The following NRCAM variants were observed in gnomAD, a reference collection of about 807,000 sequenced individuals.
The protein encoded by NRCAM is neuronal cell adhesion molecule, also known as NgCAM-related cell adhesion molecule.
NRCAM carries 83 observed loss-of-function variants against 156.5 expected under a neutral mutation model. The observed-to-expected ratio is 0.53, with a 90% confidence interval of 0.44 to 0.64. The LOEUF (loss-of-function observed/expected upper bound fraction) is 0.64. Among genes scored for constraint, NRCAM ranks in the 30% least tolerant of loss-of-function variants. The probability of loss-of-function intolerance (pLI) is 0.00; values close to 1 mark genes in which losing one functional copy is unlikely to be tolerated. For missense variants in NRCAM, 1,417 were observed against 1,597.3 expected (o/e 0.89, Z 1.92); for synonymous variants, 538 against 563.9 (o/e 0.95, Z 0.65).
chr7:108,400,572 A>G (rs1188175334), intron 1 of NRCAM, among the ~76,000 whole-genome samples: 1 of 152,228 alleles, frequency 6.6e-6, no homozygotes, highest in Non-Finnish European at 1.5e-5. Flanking sequence ...AAAGTCAGGG[A>G]AGATATTCTT....
At chr7:108,257,227 G>A (rs2096718962) in intron 3 of NRCAM, among the ~76,000 whole-genome samples, 1 of 152,086 alleles carries the variant, frequency 6.6e-6, no homozygotes, top group Non-Finnish European at 1.5e-5. Flanking sequence ...CAGGCAGGAG[G>A]GAACTTTGTC....
At chr7:108,275,584 C>T (rs1200977856) in intron 3 of NRCAM, among the ~76,000 whole-genome samples, 2 of 152,088 alleles carry the variant, frequency 1.3e-5, no homozygotes, top group African/African-American at 4.8e-5. Flanking sequence ...ATGGTGATAT[C>T]CCCTTTATCA....
intron 17 of NRCAM, among the ~76,000 whole-genome samples, chr7:108,192,423 TAATAGA>T (rs2072511381): frequency 6.6e-6 from 1 of 152,164 alleles, no homozygotes; most frequent in East Asian, 1.9e-4. Context: ...AACATAATAA[TAATAGA>T]AATAAAGTGC....
intron 13 of NRCAM, among the ~76,000 whole-genome samples, chr7:108,204,960 G>A (rs1563432087): frequency 6.6e-6 from 1 of 152,270 alleles, no homozygotes; most frequent in Non-Finnish European, 1.5e-5. Flanking sequence ...TAATTTAAAA[G>A]GGGAGTGTTA....
intron 32 of NRCAM, among the ~76,000 whole-genome samples, chr7:108,152,218 A>G (rs1431670880): frequency 6.6e-6 from 1 of 152,134 alleles, no homozygotes; most frequent in Non-Finnish European, 1.5e-5. Flanking sequence ...AGGGATGGAG[A>G]GCTGGCATTT....
At chr7:108,447,644 T>G (rs983146912) in intron 1 of NRCAM, among the ~76,000 whole-genome samples, 1 of 152,136 alleles carries the variant, frequency 6.6e-6, no homozygotes, top group Non-Finnish European at 1.5e-5. Flanking sequence ...AGCTGGAAAA[T>G]AGAGTGGATT....
intron 10 of NRCAM, among the ~76,000 whole-genome samples, chr7:108,224,817 G>A (rs1260596234): frequency 6.6e-6 from 1 of 152,016 alleles, no homozygotes; most frequent in East Asian, 1.9e-4. Context: ...ATCACTTTGG[G>A]AATGGTCTTG....
At chr7:108,224,877 A>T (rs1198644205) in intron 10 of NRCAM, among the ~76,000 whole-genome samples, 1 of 152,142 alleles carries the variant, frequency 6.6e-6, no homozygotes. Context: ...AGAAAGCAGC[A>T]GTTGTGGAGT....
At chr7:108,365,818 G>A (rs1164395994) in intron 2 of NRCAM, among the ~76,000 whole-genome samples, 1 of 148,450 alleles carries the variant, frequency 6.7e-6, no homozygotes, top group Non-Finnish European at 1.5e-5. Context: ...TTGGTTATTT[G>A]TGGGATTTTT....
At chr7:108,244,530 G>C (rs1437379560) in intron 3 of NRCAM, among the ~76,000 whole-genome samples, 1 of 152,154 alleles carries the variant, frequency 6.6e-6, no homozygotes, top group African/African-American at 2.4e-5. Context: ...TGAGACTGTG[G>C]AGGAAAGGTT....
intron 2 of NRCAM, among the ~76,000 whole-genome samples, chr7:108,331,601 C>A (rs2099127695): frequency 6.6e-6 from 1 of 152,056 alleles, no homozygotes; most frequent in African/African-American, 2.4e-5. Flanking sequence ...AATTAATATT[C>A]ATAAATTACT....
chr7:108,422,491 A>T (rs1223798872), intron 1 of NRCAM, among the ~76,000 whole-genome samples: 1 of 152,202 alleles, frequency 6.6e-6, no homozygotes, highest in African/African-American at 2.4e-5. Context: ...ATGTATATGA[A>T]ATCTTTCAAA....
chr7:108,409,449 G>A (rs1171866396), intron 1 of NRCAM, among the ~76,000 whole-genome samples: 2 of 152,146 alleles, frequency 1.3e-5, no homozygotes, highest in African/African-American at 4.8e-5. Flanking sequence ...TTCCCCATCT[G>A]TTCTGACATC....
chr7:108,167,313 C>T (rs527714599), intron 29 of NRCAM, among the ~76,000 whole-genome samples: 2 of 152,222 alleles, frequency 1.3e-5, no homozygotes, highest in Non-Finnish European at 2.9e-5. Flanking sequence ...TGTATATATT[C>T]CCATTGTATT....
chr7:108,341,060 C>T (rs2099270885), intron 2 of NRCAM, among the ~76,000 whole-genome samples: 1 of 152,126 alleles, frequency 6.6e-6, no homozygotes, highest in Non-Finnish European at 1.5e-5. Context: ...CCTAATAGGG[C>T]TTGCTTCCAG....
At chr7:108,266,273 T>C (rs1262844581) in intron 3 of NRCAM, among the ~76,000 whole-genome samples, 1 of 152,186 alleles carries the variant, frequency 6.6e-6, no homozygotes, top group Non-Finnish European at 1.5e-5. Flanking sequence ...TTGAGTCAAA[T>C]TTCTGTCTAG....
chr7:108,273,596 T>C (rs1339643501), intron 3 of NRCAM, among the ~76,000 whole-genome samples: 1 of 152,232 alleles, frequency 6.6e-6, no homozygotes, highest in Non-Finnish European at 1.5e-5. Context: ...TGCGGTTGTT[T>C]TTTTCTTGTA....
At position 108,149,858 on chromosome 7, in the gene NRCAM, T is replaced by C; in HGVS notation, c.*52A>G. On this transcript the variant is annotated 3_prime_UTR_variant, in exon 33 of 33. Transcript: ENST00000379028. ...TAGTATGAGAGGGCTGACAAACAAG[T>C]GCTTAGGATAAACATTCTAGAGAAA... 1 of 1,443,776 alleles carries C rather than the reference T, an allele frequency of 6.9e-7. No homozygotes were observed. Among genetic ancestry groups the C allele is most frequent in the Non-Finnish European group, 9.5e-7 (1 of 1,048,802 alleles). 89.4% of individuals were successfully genotyped at this position (1,443,776 alleles called of 1,614,324 possible).
At chr7:108,390,657 G>C (rs192019515) in intron 2 of NRCAM, among the ~76,000 whole-genome samples, 36 of 152,140 alleles carry the variant, frequency 2.4e-4, no homozygotes, top group African/African-American at 7.7e-4. Flanking sequence ...TCTTTTAATT[G>C]TGATGTTAGG....
Sources: allele counts gnomAD v4.1 joint callset (sites outside exome capture counted in the v4.1 genomes callset), GRCh38; gene constraint gnomAD v4.1.1; transcripts MANE v1.5; gene names NCBI Gene and HGNC (gene_info 2026-07-23, HGNC 2026-07-21).